The following ADCY1 variants were observed in gnomAD, a reference collection of about 807,000 sequenced individuals.
The protein encoded by ADCY1 is adenylate cyclase type 1.
A neutral mutation model predicts 105.4 loss-of-function variants in ADCY1; 28 were observed. The ratio of observed to expected loss-of-function variants is 0.27; its 90% CI spans 0.20 to 0.36. The LOEUF is 0.36. Ranked by LOEUF, ADCY1 falls within the 10% of genes least tolerant of loss-of-function variation. The probability of loss-of-function intolerance (pLI) is 1.00; values close to 1 mark genes in which losing one functional copy is unlikely to be tolerated. For synonymous variants in ADCY1, 655 were observed against 623.8 expected (o/e 1.05, Z -0.75); for missense variants, 977 against 1,434.2 (o/e 0.68, Z 5.15).
intron 8 of ADCY1, among the ~76,000 whole-genome samples, chr7:45,676,051 T>TG (rs200004474): frequency 6.7e-6 from 1 of 148,830 alleles, no homozygotes; most frequent in East Asian, 2.6e-4. Flanking sequence ...CTGTTTTGTT[T>TG]TTTTTTTTTA....
At chr7:45,657,908 A>AGGGGGGGGAGGGGGGGGGGG in intron 6 of ADCY1, 23 bp downstream of exon 6, 1 of 237,426 alleles carries the variant, frequency 4.2e-6, no homozygotes, top group Non-Finnish European at 8.4e-6. Flanking sequence ...TGGGGTGGGG[A>AGGGGGGGGAGGGGGGGGGGG]GGGGAGGGAG....
At chr7:45,666,919 A>T (rs1784272995) in intron 8 of ADCY1, among the ~76,000 whole-genome samples, 1 of 152,206 alleles carries the variant, frequency 6.6e-6, no homozygotes, top group African/African-American at 2.4e-5. Flanking sequence ...GGCTGCATAA[A>T]TGTCTTCTTT....
intron 14 of ADCY1, among the ~76,000 whole-genome samples, chr7:45,695,962 C>T (rs1008468902): frequency 3.3e-5 from 5 of 152,234 alleles, no homozygotes. Flanking sequence ...CTCAATTCCT[C>T]CCTGGTTCGA....
At position 45,714,003 on chromosome 7, in the gene ADCY1, C is replaced by G. The variant is rs771371522; in HGVS notation, c.*8C>G. On this transcript the variant is annotated 3_prime_UTR_variant, in exon 20 of 20. Transcript: ENST00000297323. The stretch of plus-strand genomic sequence containing the variant: ...GCTGGGAAGGAGGCTTAGTGGAGCC[C>G]ACGTGGGCCTCTGGGGTGCACATGG... 2 of 770,614 alleles carry G rather than the reference C, an allele frequency of 2.6e-6. No individual in the cohort carries two copies. The highest frequency in any genetic ancestry group is 4.9e-6 in the Non-Finnish European group (2 of 411,726). 47.7% of individuals were successfully genotyped at this position (770,614 alleles called of 1,614,324 possible). A position where few individuals can be genotyped will look rare whatever the true frequency, so the allele number is the denominator to read the frequency against.
chr7:45,614,138 G>A (rs2115886992), intron 3 of ADCY1, among the ~76,000 whole-genome samples: 1 of 152,230 alleles, frequency 6.6e-6, no homozygotes, highest in Non-Finnish European at 1.5e-5. Context: ...TAATTGTAGT[G>A]CATAAATCAC....
rs1201877177 is a variant in ADCY1, at chr7:45,717,179, G to T, written c.*3184G>T. The T allele has an allele frequency of 6.6e-6, 1 of 152,216 alleles. No individual in the cohort carries two copies. 9.4% of individuals were successfully genotyped at this position (152,216 alleles called of 1,614,324 possible). On this transcript the variant is annotated 3_prime_UTR_variant, in exon 20 of 20. Transcript: ENST00000297323. ...CATCCTGGAAGCTGCCCAAGGTGTG[G>T]CCACTTGTAGGGCAGTGAGAGGAAG... is the stretch of plus-strand genomic sequence containing the variant.
intron 3 of ADCY1, among the ~76,000 whole-genome samples, chr7:45,619,984 C>G (rs1748519077): frequency 6.6e-6 from 1 of 152,122 alleles, no homozygotes; most frequent in Non-Finnish European, 1.5e-5. Flanking sequence ...TGAGTAAACA[C>G]AATTTTTATG....
At chr7:45,707,245 C>T (rs1475068750) in intron 17 of ADCY1, among the ~76,000 whole-genome samples, 2 of 152,188 alleles carry the variant, frequency 1.3e-5, no homozygotes, top group African/African-American at 4.8e-5. Context: ...CATGAGTATT[C>T]ATAGCAGCTT....
At chr7:45,689,895 G>A (rs1297277071) in intron 14 of ADCY1, among the ~76,000 whole-genome samples, 1 of 152,256 alleles carries the variant, frequency 6.6e-6, no homozygotes, top group Non-Finnish European at 1.5e-5. Context: ...GAGGAACATG[G>A]CAGAAAGAGG....
intron 3 of ADCY1, among the ~76,000 whole-genome samples, chr7:45,617,181 T>C (rs12112281): frequency 0.17 from 25,419 of 152,090 alleles, 2,445 homozygotes; most frequent in African/African-American, 0.27. Context: ...ATTCAGGAAA[T>C]GTGGGCTATT....
chr7:45,590,126 C>T (rs1792866828), intron 1 of ADCY1, among the ~76,000 whole-genome samples: 1 of 152,138 alleles, frequency 6.6e-6, no homozygotes, highest in South Asian at 2.1e-4. Context: ...CCCCCAGCCT[C>T]CACGGGCTGC....
intron 14 of ADCY1, among the ~76,000 whole-genome samples, chr7:45,693,158 C>A (rs6463299): frequency 0.59 from 89,706 of 152,068 alleles, 27,169 homozygotes; most frequent in East Asian, 0.79. Flanking sequence ...ACTTAAGAAC[C>A]CTGTCTTGCA....
At position 45,586,975 on chromosome 7, in the gene ADCY1, A is replaced by G. The variant is rs115277077; in HGVS notation, c.640-5784A>G. Among the ~76,000 whole-genome samples, 201 of 152,260 alleles carry G rather than the reference A, an allele frequency of 1.3e-3. 1 individual carries two copies. The highest frequency in any genetic ancestry group is 4.7e-3 in the African/African-American group (195 of 41,550). On this transcript the variant is annotated intron_variant, in intron 1 of 19. Coordinates refer to ENST00000297323, the MANE Select transcript of ADCY1 (RefSeq NM_021116.4). The stretch of plus-strand genomic sequence containing the variant: ...TGCTCAGGAGAGGCTGGTTTGGAGG[A>G]CTGTCCTGCAGTGGTTCTCCTGTCC...
In ADCY1 at chr7:45,597,269, C is replaced by T. The variant is rs7785961; in HGVS notation, c.789+4361C>T. 6.1e-3 allele frequency among the ~76,000 whole-genome samples: 936 copies of T among 152,342 alleles called. 9 individuals are homozygous for T. Among genetic ancestry groups the T allele is most frequent in the African/African-American group, 0.021 (888 of 41,578 alleles). On this transcript the variant is annotated intron_variant, in intron 2 of 19. Transcript: ENST00000297323. ...GGCTGCAGCAGCAGTGCCCTTGCTT[C>T]GAGCCTCCTGGCAGTGCCAGGGGTG... is the stretch of plus-strand genomic sequence containing the variant.
intron 11 of ADCY1, chr7:45,684,309 G>C (rs1784623133): frequency 1.3e-5 from 2 of 152,436 alleles, no homozygotes; most frequent in South Asian, 4.1e-4. Flanking sequence ...GTAGAGCGGA[G>C]TTAGTAATGA....
In ADCY1 at chr7:45,677,952, T is replaced by G; in HGVS notation, c.1689T>G (p.Thr563=). ...STNVVYTTPG[T]RVNRYISRLL... is the part of the protein sequence containing the mutation. ...ACGTTGTCTACACCACCCCGGGCAC[T>G]CGCGTCAACAGGTACATCAGCCGCC... Residue 563 remains threonine, a synonymous_variant, in exon 9 of 20, where the codon ACT becomes ACG. Transcript: ENST00000297323. 6.2e-7 allele frequency: 1 copy of G among 1,614,176 alleles called. No individual in the cohort carries two copies. Among genetic ancestry groups the G allele is most frequent in the Non-Finnish European group, 8.5e-7 (1 of 1,180,028 alleles).
At chr7:45,623,751 C>T (rs374547716) in intron 4 of ADCY1, among the ~76,000 whole-genome samples, 17 of 152,202 alleles carry the variant, frequency 1.1e-4, no homozygotes, top group African/African-American at 2.7e-4. Flanking sequence ...CAGGAAGGGT[C>T]GGCTTCTGCA....
chr7:45,600,671 G>A (rs1793206116), intron 2 of ADCY1, among the ~76,000 whole-genome samples: 1 of 152,348 alleles, frequency 6.6e-6, no homozygotes, highest in Non-Finnish European at 1.5e-5. Flanking sequence ...CAAGAGAAAT[G>A]TATTTCCTCA....
intron 11 of ADCY1, among the ~76,000 whole-genome samples, chr7:45,681,005 C>T (rs765710063): frequency 1.8e-4 from 28 of 152,258 alleles, no homozygotes; most frequent in African/African-American, 6.0e-4. Context: ...TGTGACTCCA[C>T]GAGAGCCTCC....
Sources: allele counts gnomAD v4.1 joint callset (sites outside exome capture counted in the v4.1 genomes callset), GRCh38; gene constraint gnomAD v4.1.1; transcripts MANE v1.5; gene names NCBI Gene and HGNC (gene_info 2026-07-23, HGNC 2026-07-21).